Variants in DMRT1 observed in about 807,000 individuals in gnomAD.
DMRT1 encodes doublesex- and mab-3-related transcription factor 1.
DMRT1 carries 7 observed loss-of-function variants against 32.3 expected under a neutral mutation model. That is an observed-to-expected ratio of 0.22 (90% CI 0.12 to 0.41). The LOEUF is 0.41. Among genes scored for constraint, DMRT1 ranks in the 10% least tolerant of loss-of-function variants. The pLI is 1.00. For missense variants in DMRT1, 625 were observed against 500.5 expected, an observed-to-expected ratio of 1.25 and a Z score of -2.37; for synonymous variants, 278 against 206.1, an observed-to-expected ratio of 1.35 and a Z score of -2.99.
At chr9:955,412 G>A (rs1170264943) in intron 4 of DMRT1, among the ~76,000 whole-genome samples, 4 of 152,124 alleles carry the variant, frequency 2.6e-5, no homozygotes, top group Admixed American at 2.6e-4. Context: ...GTATAAAAGA[G>A]GCAAAAAACT....
chr9:873,504 A>G (rs1278017274), intron 2 of DMRT1, among the ~76,000 whole-genome samples: 2 of 151,180 alleles, frequency 1.3e-5, no homozygotes, highest in African/African-American at 4.9e-5. Flanking sequence ...TTTTTAGTAG[A>G]GATGGGGTTT....
At chr9:888,686 A>G (rs1391813980) in intron 2 of DMRT1, among the ~76,000 whole-genome samples, 3 of 145,666 alleles carry the variant, frequency 2.1e-5, no homozygotes, top group Non-Finnish European at 4.5e-5. Flanking sequence ...TTTTAGGAAT[A>G]GCGTGTGGAG....
At chr9:873,934 G>A (rs73384484) in intron 2 of DMRT1, among the ~76,000 whole-genome samples, 1,816 of 152,274 alleles carry the variant, frequency 0.012, 41 homozygotes, top group African/African-American at 0.041. Flanking sequence ...AAGAAATATA[G>A]GAAGTGGGCA....
At chr9:901,698 C>T (rs1437524078) in intron 3 of DMRT1, among the ~76,000 whole-genome samples, 1 of 151,652 alleles carries the variant, frequency 6.6e-6, no homozygotes, top group South Asian at 2.1e-4. Context: ...GCTCCACGGT[C>T]AGGTTTCCCA....
intron 2 of DMRT1, among the ~76,000 whole-genome samples, chr9:892,098 T>A (rs573484914): frequency 3.5e-4 from 53 of 152,286 alleles, no homozygotes; most frequent in Non-Finnish European, 6.8e-4. Context: ...GCTCCTTTCA[T>A]CATGGTTAAA....
At chr9:945,934 A>C (rs1442685137) in intron 4 of DMRT1, among the ~76,000 whole-genome samples, 1 of 152,066 alleles carries the variant, frequency 6.6e-6, no homozygotes, top group Non-Finnish European at 1.5e-5. Context: ...TTTTAACATA[A>C]GGGGTGTTGT....
chr9:881,004 G>C (rs573967527), intron 2 of DMRT1, among the ~76,000 whole-genome samples: 1 of 152,258 alleles, frequency 6.6e-6, no homozygotes, highest in East Asian at 1.9e-4. Context: ...CACCAAGCTT[G>C]AATGGGTTTA....
chr9:872,557 A>AC (rs112554960), intron 2 of DMRT1, among the ~76,000 whole-genome samples: 3,382 of 152,220 alleles, frequency 0.022, 86 homozygotes, highest in African/African-American at 0.066. Flanking sequence ...CAGACATTTC[A>AC]TGTAAATGGA....
At chr9:914,531 G>A (rs1332997748) in intron 3 of DMRT1, among the ~76,000 whole-genome samples, 2 of 125,334 alleles carry the variant, frequency 1.6e-5, no homozygotes, top group Non-Finnish European at 3.1e-5. Context: ...CCAATATCAT[G>A]CCACTGCAGT....
rs754923911 is a variant in DMRT1, at chr9:864,711, A to G, written c.538+17568A>G. Among the ~76,000 whole-genome samples, 8 of 150,402 alleles carry G rather than the reference A, an allele frequency of 5.3e-5. 1 individual carries two copies. In the South Asian group the frequency reaches 8.4e-4, roughly 16 times the overall value. The stretch of plus-strand genomic sequence containing the variant: ...GAGACAGGGTTTCACCATGTTAGCC[A>G]GGATGGTCTCCATCTCCTAACCTTG... On this transcript the variant is annotated intron_variant, in intron 2 of 4. Coordinates refer to ENST00000382276, the MANE Select transcript of DMRT1 (RefSeq NM_021951.3).
chr9:886,820 G>A (rs55665237), intron 2 of DMRT1, among the ~76,000 whole-genome samples: 10,323 of 152,220 alleles, frequency 0.068, 984 homozygotes, highest in African/African-American at 0.21. Context: ...CAGTGTTGAA[G>A]CAAATATTGC....
At chr9:897,718 G>A (rs2129648275) in intron 3 of DMRT1, among the ~76,000 whole-genome samples, 1 of 152,184 alleles carries the variant, frequency 6.6e-6, no homozygotes, top group African/African-American at 2.4e-5. Flanking sequence ...TGTCTCCTGA[G>A]AGCCACCGCG....
At chr9:854,891 G>A (rs1446354639) in intron 2 of DMRT1, among the ~76,000 whole-genome samples, 2 of 149,402 alleles carry the variant, frequency 1.3e-5, no homozygotes, top group African/African-American at 2.5e-5. Flanking sequence ...TCAGCCTCCC[G>A]AGTAGCTGGG....
chr9:952,769 T>C (rs535885934), intron 4 of DMRT1, among the ~76,000 whole-genome samples: 115 of 152,350 alleles, frequency 7.5e-4, no homozygotes, highest in Non-Finnish European at 1.4e-3. Context: ...CTACTTGGAA[T>C]GTGGGATCAG....
intron 2 of DMRT1, among the ~76,000 whole-genome samples, chr9:851,733 G>C (rs1375201269): frequency 2.0e-5 from 3 of 152,100 alleles, no homozygotes; most frequent in Non-Finnish European, 2.9e-5. Flanking sequence ...ACATATATTA[G>C]AAGAAAATCT....
At chr9:941,338 C>CCACA (rs202223267) in intron 4 of DMRT1, among the ~76,000 whole-genome samples, 21,474 of 134,998 alleles carry the variant, frequency 0.16, 1,837 homozygotes, top group African/African-American at 0.27. Context: ...CTCCCCCCCC[C>CCACA]CACACATATG....
chr9:932,005 C>T (rs1818741187), intron 4 of DMRT1, among the ~76,000 whole-genome samples: 1 of 152,122 alleles, frequency 6.6e-6, no homozygotes, highest in African/African-American at 2.4e-5. Flanking sequence ...CCTAACTCTC[C>T]AACACAGAGA....
intron 4 of DMRT1, among the ~76,000 whole-genome samples, chr9:955,954 C>T (rs1471509225): frequency 6.6e-6 from 1 of 152,200 alleles, no homozygotes; most frequent in African/African-American, 2.4e-5. Flanking sequence ...GAATTGAAAG[C>T]AGGGTGTCAA....
chr9:961,655 C>T (rs1819776579), intron 4 of DMRT1, among the ~76,000 whole-genome samples: 1 of 152,156 alleles, frequency 6.6e-6, no homozygotes, highest in Non-Finnish European at 1.5e-5. Flanking sequence ...TTGGATGTGA[C>T]CTTCAGGCTA....
Sources: allele counts gnomAD v4.1 joint callset (sites outside exome capture counted in the v4.1 genomes callset), GRCh38; gene constraint gnomAD v4.1.1; transcripts MANE v1.5; gene names NCBI Gene and HGNC (gene_info 2026-07-23, HGNC 2026-07-21).